The following PARL variants were observed in gnomAD, a reference collection of about 807,000 sequenced individuals.
The protein encoded by PARL is presenilin associated rhomboid like.
In PARL, 44 loss-of-function variants were observed where a neutral mutation model predicts 51.6. That is an observed-to-expected ratio of 0.85 (90% CI 0.67 to 1.10). PARL has a LOEUF of 1.10. PARL is among the 50% of genes least tolerant of loss of function. The pLI, the probability that PARL is intolerant of heterozygous loss-of-function variation, is 0.00. For missense variants in PARL, 441 were observed against 469.5 expected (o/e 0.94, Z 0.56); for synonymous variants, 172 against 164.0 (o/e 1.05, Z -0.37).
At chr3:183,880,635 C>T (rs1434853643) in intron 1 of PARL, among the ~76,000 whole-genome samples, 3 of 152,080 alleles carry the variant, frequency 2.0e-5, no homozygotes, top group Non-Finnish European at 4.4e-5. Context: ...CTCCTGACCT[C>T]AGGTGATCCA....
At position 183,884,847 on chromosome 3, in the gene PARL, C is replaced by A; in HGVS notation, c.-1G>T. 6.3e-7 allele frequency: 1 copy of A among 1,597,262 alleles called. No individual in the cohort carries two copies. The highest frequency in any genetic ancestry group is 8.5e-7 in the Non-Finnish European group (1 of 1,179,404). ...TCTGCGCCCAGCCTCGCCACGCCAT[C>A]TTCCCAACCTCTGCCCCACCATGGC... On this transcript the variant is annotated 5_prime_UTR_variant, in exon 1 of 10. Coordinates refer to ENST00000317096, the MANE Select transcript of PARL (RefSeq NM_018622.7).
intron 1 of PARL, among the ~76,000 whole-genome samples, chr3:183,877,900 C>T (rs1364319579): frequency 6.6e-6 from 1 of 152,024 alleles, no homozygotes; most frequent in Non-Finnish European, 1.5e-5. Context: ...AAGCAATTCT[C>T]CTGTCTCAGC....
chr3:183,878,904 C>T (rs755383122), intron 1 of PARL, among the ~76,000 whole-genome samples: 3 of 152,264 alleles, frequency 2.0e-5, no homozygotes, highest in African/African-American at 2.4e-5. Flanking sequence ...AGACCACATG[C>T]GGCCATATTT....
Position 183,829,584 on chromosome 3 carries a change from G to C in PARL, c.*14C>G, listed in dbSNP as rs1258893465. On this transcript the variant is annotated 3_prime_UTR_variant, in exon 10 of 10. Coordinates refer to ENST00000317096, the MANE Select transcript of PARL (RefSeq NM_018622.7). ...GGCAAGGACCAGATGCACCACTACT[G>C]TCCAATCCCAGTTTTACTTAGAGCC... 1 of 1,614,168 alleles carries C rather than the reference G, an allele frequency of 6.2e-7. No individual in the cohort carries two copies. Among genetic ancestry groups the C allele is most frequent in the African/African-American group, 1.3e-5 (1 of 75,042 alleles).
intron 1 of PARL, among the ~76,000 whole-genome samples, chr3:183,873,543 C>A (rs1047059893): frequency 8.8e-6 from 1 of 113,088 alleles, no homozygotes; most frequent in African/African-American, 3.5e-5. Context: ...AGCAAGACTC[C>A]GTCTCAAAAA....
chr3:183,868,759 T>C (rs909709589), intron 1 of PARL, among the ~76,000 whole-genome samples: 1 of 152,198 alleles, frequency 6.6e-6, no homozygotes, highest in Admixed American at 6.5e-5. Flanking sequence ...TAAAGTTTGG[T>C]CAATTTCTGG....
At chr3:183,851,339 A>C (rs1382946100) in intron 4 of PARL, among the ~76,000 whole-genome samples, 1 of 152,232 alleles carries the variant, frequency 6.6e-6, no homozygotes, top group Non-Finnish European at 1.5e-5. Flanking sequence ...TATGCTTCAG[A>C]AAACACTGTG....
At chr3:183,856,373 G>A (rs966163772) in intron 4 of PARL, 3 of 152,314 alleles carry the variant, frequency 2.0e-5, no homozygotes, top group African/African-American at 4.8e-5. Flanking sequence ...GGCCAGTCCA[G>A]ACACTGACAA....
At chr3:183,828,693 A>G (rs892257428), downstream of PARL, among the ~76,000 whole-genome samples, 2 of 152,194 alleles carry the variant, frequency 1.3e-5, no homozygotes. Context: ...CCCCCACGGC[A>G]CACAACCTGA....
At chr3:183,833,650 CT>C in intron 8 of PARL, 61 bp from the exon 9 acceptor site, 1 of 1,488,024 alleles carries the variant, frequency 6.7e-7, no homozygotes, top group Non-Finnish European at 9.4e-7. Flanking sequence ...ACATTTCTAA[CT>C]TAAGGGCAAG....
intron 1 of PARL, among the ~76,000 whole-genome samples, chr3:183,870,172 G>A (rs371440812): frequency 9.0e-4 from 29 of 32,104 alleles, no homozygotes; most frequent in African/African-American, 4.1e-3. Context: ...CAGCTACTCG[G>A]GAGGCTGAGG....
intron 1 of PARL, among the ~76,000 whole-genome samples, chr3:183,883,403 G>C (rs1734777964): frequency 6.6e-6 from 1 of 152,116 alleles, no homozygotes; most frequent in African/African-American, 2.4e-5. Flanking sequence ...CGAGTAGCTG[G>C]GATTACAGGC....
At chr3:183,826,808 C>T (rs1170337666), downstream of PARL, 1 of 984,814 alleles carries the variant, frequency 1.0e-6, no homozygotes, top group South Asian at 4.7e-5. Context: ...GGTTAGCCAG[C>T]CTGGCAGATG....
chr3:183,850,785 A>T (rs750068614), intron 4 of PARL, among the ~76,000 whole-genome samples: 38 of 152,244 alleles, frequency 2.5e-4, no homozygotes, highest in Non-Finnish European at 7.3e-5. Flanking sequence ...AGGATTATAA[A>T]TCATGACCAA....
chr3:183,858,551 A>AT (rs574373312), intron 4 of PARL, among the ~76,000 whole-genome samples: 346 of 152,180 alleles, frequency 2.3e-3, no homozygotes, highest in African/African-American at 7.8e-3. Flanking sequence ...AATTTAGCTG[A>AT]TTTTTTCCTG....
intron 1 of PARL, among the ~76,000 whole-genome samples, chr3:183,880,462 C>T (rs562137751): frequency 3.3e-5 from 5 of 152,206 alleles, no homozygotes; most frequent in Non-Finnish European, 5.9e-5. Context: ...AGTGTAATGC[C>T]GTGATCTCGG....
chr3:183,882,378 T>C (rs534442289), intron 1 of PARL, among the ~76,000 whole-genome samples: 109 of 130,886 alleles, frequency 8.3e-4, no homozygotes, highest in African/African-American at 2.8e-3. Flanking sequence ...TACACACACA[T>C]ATATACATAT....
chr3:183,844,144 G>A (rs984989351), intron 5 of PARL, 87 bp downstream of exon 5: 17 of 940,038 alleles, frequency 1.8e-5, no homozygotes, highest in African/African-American at 9.7e-5. Context: ...TAGGTAATTC[G>A]TCTTTTTTAC....
intron 5 of PARL, chr3:183,843,456 A>T (rs1729574833): frequency 6.1e-6 from 1 of 164,336 alleles, no homozygotes; most frequent in Non-Finnish European, 1.3e-5. Context: ...CAGAGGTTGC[A>T]GTGAGCCAAG....
Sources: allele counts gnomAD v4.1 joint callset (sites outside exome capture counted in the v4.1 genomes callset), GRCh38; gene constraint gnomAD v4.1.1; transcripts MANE v1.5; gene names NCBI Gene and HGNC (gene_info 2026-07-23, HGNC 2026-07-21).